Variants in DCAF1 observed in about 807,000 individuals in gnomAD.
The protein encoded by DCAF1 is DDB1 and CUL4 associated factor 1.
In DCAF1, 15 loss-of-function variants were observed where a neutral mutation model predicts 128.0. The observed-to-expected ratio is 0.12, with a 90% CI of 0.08 to 0.18. The LOEUF (loss-of-function observed/expected upper bound fraction) is 0.18, where lower values mean the gene tolerates loss of function less well. DCAF1 is among the 10% of genes least tolerant of loss of function. The probability of loss-of-function intolerance (pLI) is 1.00; values close to 1 mark genes in which losing one functional copy is unlikely to be tolerated. For synonymous variants in DCAF1, 610 were observed against 603.0 expected, an observed-to-expected ratio of 1.01 and a Z score of -0.17; for missense variants, 988 against 1,649.5, an observed-to-expected ratio of 0.60 and a Z score of 6.95.
chr3:51,450,638 A>G (rs1481807373), intron 6 of DCAF1, among the ~76,000 whole-genome samples: 4 of 152,178 alleles, frequency 2.6e-5, no homozygotes, highest in Admixed American at 2.6e-4. Flanking sequence ...CCTTAAGATC[A>G]AGAAAAAGAT....
At chr3:51,407,529 G>C (rs558422200) in intron 23 of DCAF1, among the ~76,000 whole-genome samples, 14 of 152,286 alleles carry the variant, frequency 9.2e-5, no homozygotes, top group African/African-American at 3.4e-4. Context: ...GGAAAACAGA[G>C]AGCATTATTC....
At position 51,432,561 on chromosome 3, in the gene DCAF1, C is replaced by T. The variant is rs961523836; in HGVS notation, c.1287+545G>A. ...GCAACCTCCGCCTCCTGGGTTCAAG[C>T]AATTATCCTGCCTCAGCCTCCCAAG... On this transcript the variant is annotated intron_variant, in intron 10 of 24. Coordinates refer to ENST00000684031, the MANE Select transcript of DCAF1 (RefSeq NM_001387579.1). 1.0e-3 allele frequency among the ~76,000 whole-genome samples: 159 copies of T among 151,868 alleles called. 1 individual carries two copies. Among genetic ancestry groups the T allele is most frequent in the Admixed American group, 3.0e-3 (45 of 15,222 alleles).
Position 51,470,917 on chromosome 3 carries a change from C to G in DCAF1, c.187+12G>C. The G allele has an allele frequency of 6.4e-7, 1 of 1,572,978 alleles. No individual in the cohort carries two copies. Among genetic ancestry groups the G allele is most frequent in the Non-Finnish European group, 8.7e-7 (1 of 1,153,896 alleles). ...AAAAAAAAAGACCCACACTTAAGAG[C>G]ACAAATCTTACCAGGATGTCGATCA... On this transcript the variant is annotated intron_variant, in intron 4 of 24. Coordinates refer to ENST00000684031, the MANE Select transcript of DCAF1 (RefSeq NM_001387579.1).
At chr3:51,448,023 G>A (rs540392745) in intron 6 of DCAF1, among the ~76,000 whole-genome samples, 3 of 151,902 alleles carry the variant, frequency 2.0e-5, no homozygotes, top group South Asian at 4.2e-4. Flanking sequence ...CTCTACTGCC[G>A]CTGTGGCAAA....
Position 51,467,561 on chromosome 3 carries a change from A to C in DCAF1, c.188-685T>G, listed in dbSNP as rs530117014. 2.9e-3 allele frequency among the ~76,000 whole-genome samples: 435 copies of C among 152,254 alleles called. 3 individuals carry two copies. The highest frequency in any genetic ancestry group is 9.9e-3 in the African/African-American group (413 of 41,544). On this transcript the variant is annotated intron_variant, in intron 4 of 24. Coordinates refer to ENST00000684031, the MANE Select transcript of DCAF1 (RefSeq NM_001387579.1). ...TATACCTAATGCAAATGACGAGTTA[A>C]TGGGTGCAGCACACCAACATGGCAC...
At chr3:51,472,053 C>G (rs2108229577) in intron 3 of DCAF1, among the ~76,000 whole-genome samples, 1 of 152,264 alleles carries the variant, frequency 6.6e-6, no homozygotes, top group East Asian at 1.9e-4. Flanking sequence ...TTGCTTCCTG[C>G]TTCCATGTCT....
chr3:51,456,453 G>A (rs1702919656), intron 6 of DCAF1, among the ~76,000 whole-genome samples: 1 of 152,202 alleles, frequency 6.6e-6, no homozygotes, highest in Non-Finnish European at 1.5e-5. Flanking sequence ...GCTCAAGGAG[G>A]CCTGCCTGCC....
At chr3:51,423,450 T>G (rs1699605590) in intron 13 of DCAF1, among the ~76,000 whole-genome samples, 1 of 147,218 alleles carries the variant, frequency 6.8e-6, no homozygotes, top group South Asian at 2.2e-4. Context: ...TGCAGTGAGC[T>G]GAGATTGAGC....
chr3:51,434,013 C>T (rs1026173330), intron 9 of DCAF1, among the ~76,000 whole-genome samples: 36 of 150,508 alleles, frequency 2.4e-4, no homozygotes, highest in Admixed American at 1.9e-3. Flanking sequence ...ACCCGGGAGA[C>T]GGAGGTTGCA....
intron 22 of DCAF1, 103 bp from the exon 23 acceptor site, chr3:51,412,583 T>C: frequency 6.5e-7 from 1 of 1,539,650 alleles, no homozygotes; most frequent in Non-Finnish European, 8.7e-7. Flanking sequence ...CTGTAATTAT[T>C]AAAGCTTCTG....
intron 7 of DCAF1, among the ~76,000 whole-genome samples, chr3:51,443,288 A>C (rs1183018719): frequency 3.3e-5 from 5 of 152,082 alleles, no homozygotes; most frequent in African/African-American, 1.2e-4. Flanking sequence ...ATCCTTGACA[A>C]GATTAAAAGT....
At position 51,403,190 on chromosome 3, in the gene DCAF1, T is replaced by C. The variant is rs1229074658; in HGVS notation, c.4418A>G (p.Asp1473Gly). ...CTCCTCATCTGCATCAGAGTCTTCA[T>C]CCTCCCCGTCCTCTCCCTCCTCTAG... ...NLLEEGEDGE[D>G]EDSDADEEVE... The change falls in exon 24 of 25, where the codon GAT becomes GGT. Residue 1473 changes from aspartate to glycine, a missense_variant. This residue lies in a region of DCAF1 where 97 missense variants were observed against 134.5 expected (regional missense o/e 0.72). Coordinates refer to ENST00000684031, the MANE Select transcript of DCAF1 (RefSeq NM_001387579.1). 3 of 1,613,774 alleles carry C rather than the reference T, an allele frequency of 1.9e-6. No individual in the cohort carries two copies. The highest frequency in any genetic ancestry group is 2.5e-6 in the Non-Finnish European group (3 of 1,179,854).
chr3:51,423,974 T>C (rs1577100340), intron 13 of DCAF1, among the ~76,000 whole-genome samples: 1 of 152,006 alleles, frequency 6.6e-6, no homozygotes, highest in South Asian at 2.1e-4. Flanking sequence ...ACTACAGCCA[T>C]TGACAATCAT....
chr3:51,453,770 T>C (rs570613056), intron 6 of DCAF1, among the ~76,000 whole-genome samples: 1 of 152,212 alleles, frequency 6.6e-6, no homozygotes, highest in South Asian at 2.1e-4. Flanking sequence ...CTGACCAACA[T>C]GGAGAAACCC....
intron 6 of DCAF1, among the ~76,000 whole-genome samples, chr3:51,445,989 C>CT (rs782164524): frequency 0.13 from 14,866 of 117,596 alleles, 1,300 homozygotes; most frequent in East Asian, 0.32. Flanking sequence ...AACCTAAGTT[C>CT]TTTTTTTTTT....
intron 23 of DCAF1, among the ~76,000 whole-genome samples, chr3:51,410,626 T>C (rs1698317159): frequency 1.3e-5 from 2 of 152,234 alleles, no homozygotes; most frequent in African/African-American, 4.8e-5. Context: ...TTTTCAAATA[T>C]TACCATTTTC....
chr3:51,454,204 A>T (rs1702645733), intron 6 of DCAF1, among the ~76,000 whole-genome samples: 1 of 151,968 alleles, frequency 6.6e-6, no homozygotes, highest in Admixed American at 6.6e-5. Flanking sequence ...TACCGTGCCC[A>T]GCTAATGATT....
chr3:51,406,376 CT>C (rs2090113964), intron 23 of DCAF1, among the ~76,000 whole-genome samples: 2 of 136,994 alleles, frequency 1.5e-5, no homozygotes, highest in African/African-American at 5.3e-5. Context: ...CCAAATTTTT[CT>C]AGAATCCTGA....
intron 23 of DCAF1, among the ~76,000 whole-genome samples, chr3:51,408,081 A>G (rs1325681197): frequency 1.3e-5 from 2 of 151,630 alleles, no homozygotes; most frequent in Non-Finnish European, 2.9e-5. Flanking sequence ...TGCTTTCATC[A>G]AATGCCTGAA....
Sources: allele counts gnomAD v4.1 joint callset (sites outside exome capture counted in the v4.1 genomes callset), GRCh38; gene constraint gnomAD v4.1.1; regional missense constraint gnomAD v4.1.1; transcripts MANE v1.5; gene names NCBI Gene and HGNC (gene_info 2026-07-23, HGNC 2026-07-21).